The following SLC35F1 variants were observed in gnomAD, a reference collection of about 807,000 sequenced individuals.
The protein encoded by SLC35F1 is solute carrier family 35 member F1.
Under a neutral mutation model 48.7 loss-of-function variants are expected in SLC35F1, and 14 were observed. That is an observed-to-expected ratio of 0.29 (90% CI 0.19 to 0.45). The LOEUF (loss-of-function observed/expected upper bound fraction) is 0.45, where lower values mean the gene tolerates loss of function less well. Ranked by LOEUF, SLC35F1 falls within the 20% of genes least tolerant of loss-of-function variation. The pLI, the probability that SLC35F1 is intolerant of heterozygous loss-of-function variation, is 1.00. For synonymous variants in SLC35F1, 190 were observed against 202.2 expected (o/e 0.94, Z 0.51); for missense variants, 404 against 500.0 (o/e 0.81, Z 1.83).
chr6:118,223,423 T>C (rs1023504689), intron 2 of SLC35F1, among the ~76,000 whole-genome samples: 6 of 152,354 alleles, frequency 3.9e-5, no homozygotes, highest in African/African-American at 1.2e-4. Context: ...GGTGCTTGCC[T>C]CATTTTATAA....
intron 3 of SLC35F1, among the ~76,000 whole-genome samples, chr6:118,265,463 C>A (rs1775760457): frequency 6.6e-6 from 1 of 152,182 alleles, no homozygotes; most frequent in African/African-American, 2.4e-5. Context: ...AGGACTCGAC[C>A]TAGCCTGGGG....
chr6:118,023,017 C>T (rs1582624170), intron 1 of SLC35F1, among the ~76,000 whole-genome samples: 3 of 152,216 alleles, frequency 2.0e-5, no homozygotes, highest in Middle Eastern at 6.8e-3. Flanking sequence ...CTCAGCCTCC[C>T]AAAGTGCTGC....
At chr6:118,055,557 G>C (rs913967752) in intron 1 of SLC35F1, among the ~76,000 whole-genome samples, 4 of 152,166 alleles carry the variant, frequency 2.6e-5, no homozygotes, top group Non-Finnish European at 5.9e-5. Flanking sequence ...TCAAAGAACT[G>C]GGCTAAAGCT....
At chr6:118,015,262 C>G (rs1476480241) in intron 1 of SLC35F1, among the ~76,000 whole-genome samples, 2 of 152,050 alleles carry the variant, frequency 1.3e-5, no homozygotes, top group African/African-American at 2.4e-5. Context: ...CACTTAGGAG[C>G]TGGTCTTGGT....
intron 1 of SLC35F1, among the ~76,000 whole-genome samples, chr6:118,118,683 T>C (rs1241597344): frequency 6.6e-6 from 1 of 152,194 alleles, no homozygotes; most frequent in Non-Finnish European, 1.5e-5. Context: ...ATCCAGGAGT[T>C]GCTGAGTTCT....
chr6:117,975,925 CA>C (rs1335365324), intron 1 of SLC35F1, among the ~76,000 whole-genome samples: 1 of 152,178 alleles, frequency 6.6e-6, no homozygotes, highest in African/African-American at 2.4e-5. Context: ...TCGTACTCGC[CA>C]AAAGGTAGAT....
intron 2 of SLC35F1, among the ~76,000 whole-genome samples, chr6:118,208,310 A>G (rs1438372285): frequency 6.6e-6 from 1 of 152,202 alleles, no homozygotes; most frequent in East Asian, 1.9e-4. Flanking sequence ...TGTTCCATTC[A>G]TCTGTGACCC....
chr6:118,146,600 C>T (rs1326570290), intron 1 of SLC35F1, among the ~76,000 whole-genome samples: 1 of 152,126 alleles, frequency 6.6e-6, no homozygotes, highest in Admixed American at 6.5e-5. Flanking sequence ...TCCCAACTTC[C>T]AGCAGTTTCA....
intron 1 of SLC35F1, among the ~76,000 whole-genome samples, chr6:118,152,972 G>C (rs552911963): frequency 7.5e-4 from 114 of 152,268 alleles, no homozygotes; most frequent in African/African-American, 2.5e-3. Context: ...CAGAGGTCAG[G>C]AGCCAGTACC....
chr6:118,107,254 G>A (rs1316786894), intron 1 of SLC35F1, among the ~76,000 whole-genome samples: 2 of 152,094 alleles, frequency 1.3e-5, no homozygotes, highest in Non-Finnish European at 2.9e-5. Flanking sequence ...CTTTTCAAAG[G>A]AAAAACAAAA....
chr6:118,231,049 G>A (rs1328983613), intron 2 of SLC35F1, among the ~76,000 whole-genome samples: 1 of 152,020 alleles, frequency 6.6e-6, no homozygotes, highest in Non-Finnish European at 1.5e-5. Flanking sequence ...AAGGAGGGAT[G>A]GAAATGAAAT....
At chr6:118,113,381 A>G (rs1773435810) in intron 1 of SLC35F1, among the ~76,000 whole-genome samples, 1 of 152,120 alleles carries the variant, frequency 6.6e-6, no homozygotes, top group African/African-American at 2.4e-5. Flanking sequence ...GACCTCACCT[A>G]GCCAACTTTG....
intron 1 of SLC35F1, among the ~76,000 whole-genome samples, chr6:118,058,720 A>C (rs1236909062): frequency 1.3e-5 from 2 of 152,130 alleles, no homozygotes; most frequent in East Asian, 3.9e-4. Flanking sequence ...TGATATTATA[A>C]GTTGGAATTG....
intron 1 of SLC35F1, among the ~76,000 whole-genome samples, chr6:117,933,751 GA>G (rs748826087): frequency 1.9e-4 from 29 of 152,148 alleles, no homozygotes; most frequent in Non-Finnish European, 3.1e-4. Flanking sequence ...GGGCTCTTGT[GA>G]TAACAAAGTG....
chr6:118,209,086 G>T lies in SLC35F1; in HGVS notation c.350-26423G>T, dbSNP rs867967056. 3.3e-5 allele frequency among the ~76,000 whole-genome samples: 5 copies of T among 152,298 alleles called. No homozygotes were observed. In the South Asian group the frequency reaches 1.0e-3, roughly 32 times the overall value. ...GAAGGAATGCTACACAGAATCAAAA[G>T]AATCTGAACAGTGAGGGCTTGCTGG... On this transcript the variant is annotated intron_variant, in intron 2 of 7. Coordinates refer to ENST00000360388, the MANE Select transcript of SLC35F1 (RefSeq NM_001029858.4).
intron 6 of SLC35F1, among the ~76,000 whole-genome samples, chr6:118,283,854 C>T (rs1410162910): frequency 2.6e-5 from 4 of 152,140 alleles, no homozygotes. Flanking sequence ...TTAGAGAATT[C>T]AAGCTTCTGA....
At chr6:118,226,785 C>T (rs1035871065) in intron 2 of SLC35F1, among the ~76,000 whole-genome samples, 7 of 152,056 alleles carry the variant, frequency 4.6e-5, no homozygotes, top group African/African-American at 1.7e-4. Flanking sequence ...TGTTTGATAG[C>T]TCATTATAAT....
At chr6:118,076,538 G>C (rs1201996216) in intron 1 of SLC35F1, among the ~76,000 whole-genome samples, 3 of 152,182 alleles carry the variant, frequency 2.0e-5, no homozygotes, top group Non-Finnish European at 4.4e-5. Flanking sequence ...GACGGAGAGA[G>C]AAGAGGGAAA....
chr6:118,085,487 C>CTTTTTTTTTTTTTT (rs59548308), intron 1 of SLC35F1, among the ~76,000 whole-genome samples: 6 of 56,956 alleles, frequency 1.1e-4, no homozygotes, highest in Non-Finnish European at 1.5e-4. Context: ...TCTTTCTTTC[C>CTTTTTTTTTTTTTT]TTTTTTTTTT....
Sources: allele counts gnomAD v4.1 joint callset (sites outside exome capture counted in the v4.1 genomes callset), GRCh38; gene constraint gnomAD v4.1.1; transcripts MANE v1.5; gene names NCBI Gene and HGNC (gene_info 2026-07-23, HGNC 2026-07-21).